Variants in UNC13D observed in about 807,000 individuals in gnomAD.
UNC13D encodes unc-13 homolog D.
A neutral mutation model predicts 151.7 loss-of-function variants in UNC13D; 115 were observed. The ratio of observed to expected loss-of-function variants is 0.76; its 90% CI spans 0.65 to 0.88. UNC13D has a LOEUF of 0.88. Ranked by LOEUF, UNC13D falls within the 40% of genes least tolerant of loss-of-function variation. The pLI is 0.00. For missense variants in UNC13D, 1,369 were observed against 1,438.7 expected (o/e 0.95, Z 0.78); for synonymous variants, 588 against 612.2 (o/e 0.96, Z 0.58).
Position 75,843,494 on chromosome 17 carries a change from G to C in UNC13D, c.143C>G (p.Ser48Cys), listed in dbSNP as rs1349079353. The change falls in exon 2 of 32, where the codon TCC becomes TGC. Residue 48 changes from serine (S) to cysteine (C), a missense_variant. Around this residue, in one of 3 missense-constraint regions of UNC13D, gnomAD observed 550 missense variants for 609.0 expected, o/e 0.90. Transcript: ENST00000207549. ...PEIQPPSHHFSPEQRALLYED... is the reference protein window; with the variant it reads ...PEIQPPSHHFCPEQRALLYED... ...CACTCTGACTCTTACCTGCTCGGGG[G>C]AGAAGTGGTGGGATGGAGGCTGGAT... 1 of 1,611,058 alleles carries C rather than the reference G, an allele frequency of 6.2e-7. No homozygotes were observed. Among genetic ancestry groups the C allele is most frequent in the African/African-American group, 1.3e-5 (1 of 75,020 alleles).
In UNC13D at chr17:75,833,958, G is replaced by A; in HGVS notation, c.2367+117C>T. 7.6e-7 allele frequency: 1 copy of A among 1,314,784 alleles called. No individual in the cohort carries two copies. Among genetic ancestry groups the A allele is most frequent in the Middle Eastern group, 1.8e-4 (1 of 5,490 alleles). 81.4% of individuals were successfully genotyped at this position (1,314,784 alleles called of 1,614,324 possible). A position where few individuals can be genotyped will look rare whatever the true frequency, so the allele number is the denominator to read the frequency against. On this transcript the variant is annotated intron_variant, in intron 24 of 31. Coordinates refer to ENST00000207549, the MANE Select transcript of UNC13D (RefSeq NM_199242.3). The surrounding 1 kb of genome is among the most constrained non-coding windows in gnomAD (Gnocchi z 4.0). ...TCCCAGGAGGAAACTGAGGCCCAGG[G>A]AGAGAACATGCTTTGCCTGGTCTGG...
rs3744008 is a variant in UNC13D, at chr17:75,843,133, G to C, written c.261+26C>G. 354,293 of 1,610,152 alleles carry C rather than the reference G, an allele frequency of 0.22. 40,029 individuals are homozygous for C. The highest frequency in any genetic ancestry group is 0.23 in the Non-Finnish European group (274,640 of 1,179,668). On this transcript the variant is annotated intron_variant, in intron 3 of 31. Transcript: ENST00000207549. ...CACCAGACAGGGCAGCTGCAGGAAG[G>C]GGGGTGGGGTGGGAGCCGGGCTCAC...
chr17:75,828,485 C>T (rs1324302072), intron 31 of UNC13D, among the ~76,000 whole-genome samples: 1 of 152,220 alleles, frequency 6.6e-6, no homozygotes, highest in East Asian at 1.9e-4. Context: ...AATAAGTGCA[C>T]AAGCATCAGA....
At chr17:75,828,129 G>A in intron 31 of UNC13D, 43 bp from the exon 32 acceptor site, 3 of 1,559,062 alleles carry the variant, frequency 1.9e-6, no homozygotes, top group South Asian at 1.2e-5. Context: ...AGGGGAGAGG[G>A]CAGTGCCTGG....
chr17:75,829,930 A>T lies in UNC13D; in HGVS notation c.2954+98T>A, dbSNP rs1031907718. ...CCTTGGGCCCAAATGTGGCCATCTC[A>T]GGGGAGCCCCTTGGCCCCAGCCAGG... On this transcript the variant is annotated intron_variant, in intron 30 of 31. Coordinates refer to ENST00000207549, the MANE Select transcript of UNC13D (RefSeq NM_199242.3). 7.8e-6 allele frequency: 12 copies of T among 1,539,552 alleles called. No homozygotes were observed. The Admixed American group carries it at 2.4e-4, about 30-fold the overall frequency.
chr17:75,834,665 G>A lies in UNC13D; in HGVS notation c.2044C>T (p.Arg682Cys), dbSNP rs755931780. ...VYCSLIKARA[R>C]ELSSGQKDQG... ...TCCTTCTGGCCTGAAGAGAGCTCGC[G>A]GGCCCGGGCCTTTATAAGGCTGCAG... is the stretch of plus-strand genomic sequence containing the variant. The change falls in exon 22 of 32, where the codon CGC becomes TGC. Residue 682 changes from arginine (R) to cysteine (C), a missense_variant. This residue lies in a region of UNC13D where 807 missense variants were observed against 795.5 expected (regional missense o/e 1.01). Coordinates refer to ENST00000207549, the MANE Select transcript of UNC13D (RefSeq NM_199242.3). 7.5e-5 allele frequency: 121 copies of A among 1,613,628 alleles called. No homozygotes were observed. Among genetic ancestry groups the A allele is most frequent in the African/African-American group, 1.1e-4 (8 of 74,916 alleles).
chr17:75,832,968 G>C lies in UNC13D; in HGVS notation c.2445C>G (p.Ser815Arg). Residue 815 changes from serine to arginine, a missense_variant and splice_region_variant, in exon 25 of 32, where the codon AGC (serine) becomes AGG (arginine). Ser to Arg is a moderately radical substitution (Grantham distance 110). This residue lies in a region of UNC13D where 807 missense variants were observed against 795.5 expected (regional missense o/e 1.01). Transcript: ENST00000207549. This position sits in a 1 kb window ranked among gnomAD's most constrained non-coding sequence, Gnocchi z 4.3. ...MNTNLVQENF[S>R]SLLTLLWTHT... Reference sequence around the variant, plus strand: ...CCAGGGCAGGGGCTGCTACAGACCTGCTGAAGTTCTCCTGCACCAAGTTGG... The same window carrying C: ...CCAGGGCAGGGGCTGCTACAGACCTCCTGAAGTTCTCCTGCACCAAGTTGG... 6.3e-7 allele frequency: 1 copy of C among 1,581,854 alleles called. No individual in the cohort carries two copies. The highest frequency in any genetic ancestry group is 8.6e-7 in the Non-Finnish European group (1 of 1,164,232).
At position 75,840,600 on chromosome 17, in the gene UNC13D, G is replaced by C. The variant is rs370032479; in HGVS notation, c.684-24C>G. The stretch of plus-strand genomic sequence containing the variant: ...TCCTGCGTCAGGCAGGGTCCCATAA[G>C]GGGGACGCAGCAAGGGTCGGAAGGG... On this transcript the variant is annotated intron_variant, in intron 8 of 31. Transcript: ENST00000207549. The surrounding 1 kb of genome is among the most constrained non-coding windows in gnomAD (Gnocchi z 4.6). The C allele has an allele frequency of 3.7e-6, 6 of 1,613,942 alleles. No individual in the cohort carries two copies. In the East Asian group the frequency reaches 6.7e-5, roughly 18 times the overall value.
chr17:75,838,678 C>T lies in UNC13D; in HGVS notation c.1055+1161G>A, dbSNP rs981278799. On this transcript the variant is annotated intron_variant, in intron 12 of 31. Coordinates refer to ENST00000207549, the MANE Select transcript of UNC13D (RefSeq NM_199242.3). ...AGTTGAAGGCTATGGCATTGGGAAG[C>T]GGGGCTGGGGTTAGGGACCGGGTCC... Among the ~76,000 whole-genome samples, 51 of 152,148 alleles carry T rather than the reference C, an allele frequency of 3.4e-4. 1 individual carries two copies. Among genetic ancestry groups the T allele is most frequent in the African/African-American group, 1.0e-3 (42 of 41,440 alleles).
chr17:75,835,017 T>A lies in UNC13D; in HGVS notation c.1895A>T (p.Asp632Val). 6.2e-7 allele frequency: 1 copy of A among 1,614,008 alleles called. No individual in the cohort carries two copies. The highest frequency in any genetic ancestry group is 1.1e-5 in the South Asian group (1 of 91,086). Residue 632 changes from aspartate (D) to valine (V), a missense_variant, in exon 21 of 32, where the codon GAT (aspartate) becomes GTT (valine). Coordinates refer to ENST00000207549, the MANE Select transcript of UNC13D (RefSeq NM_199242.3). The stretch of plus-strand genomic sequence containing the variant: ...GATCTGGGCAAAGCAGGTGGATAGA[T>A]CCACCGCTGATGTGCTGTGCTTGGT... ...ELTKHSTSAV[D>V]LSTCFAQISH...
rs1029026260 is a variant in UNC13D at position 75,843,483 on chromosome 17, C to A, written c.153+1G>T. ...CTGCACCCCAGCACTCTGACTCTTA[C>A]CTGCTCGGGGGAGAAGTGGTGGGAT... On this transcript the variant is annotated splice_donor_variant, in intron 2 of 31. Coordinates refer to ENST00000207549, the MANE Select transcript of UNC13D (RefSeq NM_199242.3). LOFTEE classifies it high-confidence loss of function. The A allele has an allele frequency of 1.9e-6, 3 of 1,609,552 alleles. No individual in the cohort carries two copies. The highest frequency in any genetic ancestry group is 1.9e-4 in the Middle Eastern group (1 of 5,398).
rs960963232 is a variant in UNC13D at position 75,827,293 on chromosome 17, G to A, written c.*672C>T. The A allele has an allele frequency of 1.1e-5, 6 of 563,302 alleles. No individual in the cohort carries two copies. Among genetic ancestry groups the A allele is most frequent in the Non-Finnish European group, 1.7e-5 (6 of 358,982 alleles). The allele number at this position is 563,302 out of a possible 1,614,324, so 34.9% of individuals were successfully genotyped here. ...AGAAAGTTTCTAGGTGGCAGGTGCT[G>A]TCCGGGGAGGGGGCGTGCGCAGCAG... On this transcript the variant is annotated 3_prime_UTR_variant, in exon 32 of 32. Coordinates refer to ENST00000207549, the MANE Select transcript of UNC13D (RefSeq NM_199242.3).
At chr17:75,835,977 T>C in intron 17 of UNC13D, 35 bp downstream of exon 17, 1 of 1,614,170 alleles carries the variant, frequency 6.2e-7, no homozygotes, top group Non-Finnish European at 8.5e-7. Flanking sequence ...TCTGAGGCAA[T>C]GCCCCACTAC....
In UNC13D at chr17:75,840,564, C is replaced by T. The variant is rs1187408785; in HGVS notation, c.696G>A (p.Glu232=). The change falls in exon 9 of 32, where the codon GAG becomes GAA. Residue 232 remains glutamate, a synonymous_variant. Coordinates refer to ENST00000207549, the MANE Select transcript of UNC13D (RefSeq NM_199242.3). The surrounding 1 kb of genome is among the most constrained non-coding windows in gnomAD (Gnocchi z 4.6). ...CGTCCTGGCCTTTGTCCTTCCGGGC[C>T]TCTTTAAAGATCCTGCGTCAGGCAG... ...DLHGLRRIFK[E]ARKDKGQDDF... is the part of the protein sequence containing the mutation. 1.2e-6 allele frequency: 2 copies of T among 1,614,082 alleles called. No homozygotes were observed. The highest frequency in any genetic ancestry group is 2.2e-5 in the South Asian group (2 of 91,088).
rs915909059 is a variant in UNC13D, at chr17:75,840,650, C to T, written c.684-74G>A. 1.9e-5 allele frequency: 30 copies of T among 1,611,738 alleles called. No individual in the cohort carries two copies. The African/African-American group carries it at 2.0e-4, about 11-fold the overall frequency. On this transcript the variant is annotated intron_variant, in intron 8 of 31. Transcript: ENST00000207549. The surrounding 1 kb of genome is among the most constrained non-coding windows in gnomAD (Gnocchi z 4.6). Reference sequence around the variant, plus strand: ...GATTAGGCTGGAATCCACCCCCGGCCGCAGCCACCTGGACCCCAAAGGAGC... The same window carrying T: ...GATTAGGCTGGAATCCACCCCCGGCTGCAGCCACCTGGACCCCAAAGGAGC...
intron 6 of UNC13D, among the ~76,000 whole-genome samples, chr17:75,841,778 G>C (rs1209396337): frequency 6.2e-5 from 8 of 129,916 alleles, no homozygotes; most frequent in Middle Eastern, 5.2e-3. Flanking sequence ...GAGACAGAGT[G>C]TCGCTCTGTC....
Position 75,827,607 on chromosome 17 carries a change from G to C in UNC13D, c.*358C>G. On this transcript the variant is annotated 3_prime_UTR_variant, in exon 32 of 32. Transcript: ENST00000207549. ...GGCCCCCACCCCAGTGGCTGGAACA[G>C]GAAGGCCAGGAGGCAGATGGGCCAG... 6.5e-7 allele frequency: 1 copy of C among 1,532,126 alleles called. No individual in the cohort carries two copies. Among genetic ancestry groups the C allele is most frequent in the Non-Finnish European group, 8.7e-7 (1 of 1,146,702 alleles). 94.9% of individuals were successfully genotyped at this position (1,532,126 alleles called of 1,614,324 possible). A position where few individuals can be genotyped will look rare whatever the true frequency, so the allele number is the denominator to read the frequency against.
In UNC13D at chr17:75,827,632, G is replaced by C; in HGVS notation, c.*333C>G. 7 of 1,535,338 alleles carry C rather than the reference G, an allele frequency of 4.6e-6. No individual in the cohort carries two copies. In the South Asian group the frequency reaches 5.9e-5, roughly 13 times the overall value. On this transcript the variant is annotated 3_prime_UTR_variant, in exon 32 of 32. Transcript: ENST00000207549. ...GGAAGGCCAGGAGGCAGATGGGCCA[G>C]GGCCAGGAGACAGATGGCCCAATCC...
At position 75,835,478 on chromosome 17, in the gene UNC13D, G is replaced by A. The variant is rs374971347; in HGVS notation, c.1779C>T (p.Ile593=). The A allele has an allele frequency of 1.2e-6, 2 of 1,612,420 alleles. No homozygotes were observed. Among genetic ancestry groups the A allele is most frequent in the African/African-American group, 2.7e-5 (2 of 74,926 alleles). Residue 593 remains isoleucine (I), a synonymous_variant, in exon 20 of 32, where the codon ATC becomes ATT. Coordinates refer to ENST00000207549, the MANE Select transcript of UNC13D (RefSeq NM_199242.3). ...DNFHRWFQPA[I]PSWLQKTYNE... ...TGTACGTCTTCTGCAGCCAGGAGGG[G>A]ATGGCCGGCTGGAACCAGCGGTGGA...
Sources: gnomAD v4.1 joint callset for allele counts (sites outside exome capture counted in the v4.1 genomes callset) on GRCh38, gnomAD v4.1.1 for gene constraint, gnomAD v4.1.1 regional missense constraint, Gnocchi (gnomAD v3.1) non-coding constraint, MANE v1.5 for transcripts, NCBI Gene and HGNC (gene_info 2026-07-23, HGNC 2026-07-21) for gene names.